Variants in ANKRD36C observed in about 807,000 individuals in gnomAD.
The protein encoded by ANKRD36C is ankyrin repeat domain-containing protein 36C.
Under a neutral mutation model 276.4 loss-of-function variants are expected in ANKRD36C, and 61 were observed. The observed-to-expected ratio is 0.22, with a 90% CI of 0.18 to 0.27. ANKRD36C has a LOEUF of 0.27. ANKRD36C is among the 10% of genes least tolerant of loss of function. The pLI, the probability that ANKRD36C is intolerant of heterozygous loss-of-function variation, is 1.00. For synonymous variants in ANKRD36C, 483 were observed against 680.1 expected, an observed-to-expected ratio of 0.71 and a Z score of 4.51; for missense variants, 1,447 against 2,032.3, an observed-to-expected ratio of 0.71 and a Z score of 5.54.
chr2:95,984,643 C>G (rs1464824542), intron 3 of ANKRD36C, among the ~76,000 whole-genome samples: 19 of 152,140 alleles, frequency 1.2e-4, no homozygotes, highest in Admixed American at 1.2e-3. Flanking sequence ...TCATAATACC[C>G]ACTTTGAGCA....
intron 46 of ANKRD36C, among the ~76,000 whole-genome samples, chr2:95,890,220 T>C (rs1676308332): frequency 6.6e-6 from 1 of 151,428 alleles, no homozygotes; most frequent in Admixed American, 6.6e-5. Context: ...CTATGATCTG[T>C]CATATGTCGA....
chr2:95,902,891 C>T lies in ANKRD36C; in HGVS notation c.2654-3555G>A, dbSNP rs188438973. The T allele has an allele frequency of 7.5e-5, 119 of 1,576,746 alleles. 4 individuals carry two copies. In the South Asian group the frequency reaches 1.0e-3, roughly 14 times the overall value. On this transcript the variant is annotated intron_variant, in intron 42 of 66. Coordinates refer to ENST00000456556, the Ensembl canonical transcript of ANKRD36C. ...AAATCTCTTTTCAAAATTACCTCTC[C>T]TAGTTTTTTCTCCATACTTTTTTCC...
At chr2:95,852,973 C>T (rs191775090) in intron 64 of ANKRD36C, 6 of 152,232 alleles carry the variant, frequency 3.9e-5, no homozygotes, top group African/African-American at 9.7e-5. Flanking sequence ...AGGAGAAGCC[C>T]TGTTGTCTAA....
At chr2:95,874,468 C>T (rs1372044220) in intron 59 of ANKRD36C, among the ~76,000 whole-genome samples, 3 of 152,198 alleles carry the variant, frequency 2.0e-5, no homozygotes, top group African/African-American at 7.2e-5. Flanking sequence ...GGAAAACTGG[C>T]TAGCCATATG....
intron 42 of ANKRD36C, among the ~76,000 whole-genome samples, chr2:95,911,264 T>C (rs1676914638): frequency 6.6e-6 from 1 of 151,482 alleles, no homozygotes; most frequent in Non-Finnish European, 1.5e-5. Context: ...AATAAAAATA[T>C]CATCAATTAT....
At chr2:95,973,636 C>T (rs1237962867) in intron 6 of ANKRD36C, among the ~76,000 whole-genome samples, 1 of 152,042 alleles carries the variant, frequency 6.6e-6, no homozygotes, top group Admixed American at 6.6e-5. Context: ...TAGAACAGGT[C>T]GAAAAGTCAA....
exon 63 of ANKRD36C, chr2:95,855,926 C>T (rs539931775): frequency 2.5e-6 from 4 of 1,613,590 alleles, no homozygotes; most frequent in Non-Finnish European, 2.5e-6. Flanking sequence ...TAGAACGGAG[C>T]GTTGTGTTTT....
At chr2:95,853,495 G>C (rs1179842238) in intron 64 of ANKRD36C, 3 of 341,492 alleles carry the variant, frequency 8.8e-6, no homozygotes, top group Middle Eastern at 8.8e-4. Context: ...ATGAAAGCCA[G>C]AGATTAAGAT....
rs539734416 is a variant in ANKRD36C at position 95,989,414 on chromosome 2, T to C, written c.197+2098A>G. Among the ~76,000 whole-genome samples, 1,389 of 152,264 alleles carry C rather than the reference T, an allele frequency of 9.1e-3. 12 individuals carry two copies. The highest frequency in any genetic ancestry group is 0.017 in the Middle Eastern group (5 of 294). On this transcript the variant is annotated intron_variant, in intron 1 of 66. Transcript: ENST00000456556. ...ATATTTGGCTTACAAACACCATAGA[T>C]TGTTTGTGTGTATGTATAATCAAAC...
chr2:95,976,895 C>T (rs1678822893), intron 6 of ANKRD36C, among the ~76,000 whole-genome samples: 1 of 151,974 alleles, frequency 6.6e-6, no homozygotes, highest in African/African-American at 2.4e-5. Flanking sequence ...TGACTCCTCT[C>T]CTACTTTTCT....
In ANKRD36C at chr2:95,919,388, G is replaced by C. The variant is rs112265163; in HGVS notation, c.2246-1346C>G. On this transcript the variant is annotated intron_variant, in intron 34 of 66. Coordinates refer to ENST00000456556, the Ensembl canonical transcript of ANKRD36C. ...GTACGATGTGACGTCTGTAAAATCTGTACTTCCTCTCTTTCTCCTTCCACC... is the reference window on the plus strand; with the variant it reads ...GTACGATGTGACGTCTGTAAAATCTCTACTTCCTCTCTTTCTCCTTCCACC... Among the ~76,000 whole-genome samples, 3 of 133,096 alleles carry C rather than the reference G, an allele frequency of 2.3e-5. No individual in the cohort carries two copies. The Middle Eastern group carries it at 0.01, about 456-fold the overall frequency. The allele number at this position is 133,096 out of a possible 152,430, so 87.3% of individuals were successfully genotyped here.
At chr2:95,849,636 T>G (rs1442141663), downstream of ANKRD36C, among the ~76,000 whole-genome samples, 1 of 152,190 alleles carries the variant, frequency 6.6e-6, no homozygotes. Flanking sequence ...GGAGAATCAA[T>G]GGGAGTCCTG....
chr2:95,890,783 G>GA (rs1676329629), intron 46 of ANKRD36C, among the ~76,000 whole-genome samples: 1 of 151,496 alleles, frequency 6.6e-6, no homozygotes, highest in African/African-American at 2.4e-5. Flanking sequence ...AATATTCATT[G>GA]AAAATGACCA....
intron 61 of ANKRD36C, among the ~76,000 whole-genome samples, chr2:95,858,507 A>G (rs1675479618): frequency 6.6e-6 from 1 of 152,218 alleles, no homozygotes; most frequent in South Asian, 2.1e-4. Flanking sequence ...ATTATTCAGT[A>G]AAGTTACAAG....
At chr2:95,850,543 CATGT>C (rs1319438917), downstream of ANKRD36C, among the ~76,000 whole-genome samples, 5 of 152,154 alleles carry the variant, frequency 3.3e-5, no homozygotes, top group African/African-American at 4.8e-5. Context: ...TGTGGAGCTC[CATGT>C]AGTCTAGTTT....
chr2:95,914,404 A>G (rs1026093281), intron 38 of ANKRD36C, 101 bp from the exon 41 acceptor site: 26 of 1,419,268 alleles, frequency 1.8e-5, no homozygotes, highest in Non-Finnish European at 2.4e-5. Flanking sequence ...TCCTGCCTGT[A>G]TTAGCGTAGT....
chr2:95,946,608 C>T (rs1378105275), intron 17 of ANKRD36C, among the ~76,000 whole-genome samples: 1 of 147,090 alleles, frequency 6.8e-6, no homozygotes, highest in African/African-American at 2.5e-5. Flanking sequence ...CACATGCACA[C>T]GTATGTTTAT....
Position 95,903,176 on chromosome 2 carries a change from G to A in ANKRD36C, c.2654-3840C>T, listed in dbSNP as rs1676707626. 3 of 1,511,220 alleles carry A rather than the reference G, an allele frequency of 2.0e-6. No individual in the cohort carries two copies. The South Asian group carries it at 3.6e-5, about 18-fold the overall frequency. 93.6% of individuals were successfully genotyped at this position (1,511,220 alleles called of 1,614,324 possible). ...TGTTAGCATCAACCTCTGTCCTCCTGCCTGTATTAGCGTAGGCTTTGATGG... is the reference window on the plus strand; with the variant it reads ...TGTTAGCATCAACCTCTGTCCTCCTACCTGTATTAGCGTAGGCTTTGATGG... On this transcript the variant is annotated intron_variant, in intron 42 of 66. Coordinates refer to ENST00000456556, the Ensembl canonical transcript of ANKRD36C.
Position 95,986,937 on chromosome 2 carries a change from G to C in ANKRD36C, c.313-13C>G, listed in dbSNP as rs1679040058. On this transcript the variant is annotated splice_polypyrimidine_tract_variant and intron_variant, in intron 2 of 66. Transcript: ENST00000456556. The stretch of plus-strand genomic sequence containing the variant: ...TCAGTTGTACAGCCTGTCAGTATTA[G>C]ACCGAGAAACATGCAAATATTGAAA... 1 of 1,612,932 alleles carries C rather than the reference G, an allele frequency of 6.2e-7. No individual in the cohort carries two copies. Among genetic ancestry groups the C allele is most frequent in the African/African-American group, 1.3e-5 (1 of 74,916 alleles).
Sources: allele counts gnomAD v4.1 joint callset (sites outside exome capture counted in the v4.1 genomes callset), GRCh38; gene constraint gnomAD v4.1.1; transcripts MANE v1.5; gene names NCBI Gene and HGNC (gene_info 2026-07-23, HGNC 2026-07-21).